PDE4D: variants seen among roughly 807,000 people sequenced by gnomAD.
PDE4D encodes the protein 3',5'-cyclic-AMP phosphodiesterase 4D.
Under a neutral mutation model 87.4 loss-of-function variants are expected in PDE4D, and 24 were observed. The observed-to-expected ratio is 0.27, with a 90% CI of 0.20 to 0.39. PDE4D has a LOEUF of 0.39. PDE4D is among the 10% of genes least tolerant of loss of function. The pLI is 1.00. For synonymous variants in PDE4D, 384 were observed against 383.2 expected, an observed-to-expected ratio of 1.00 and a Z score of -0.02; for missense variants, 714 against 1,041.0, an observed-to-expected ratio of 0.69 and a Z score of 4.32.
At chr5:60,130,128 C>A (rs1163053876) in intron 2 of PDE4D, among the ~76,000 whole-genome samples, 1 of 152,184 alleles carries the variant, frequency 6.6e-6, no homozygotes, top group Non-Finnish European at 1.5e-5. Flanking sequence ...TTTGCTGGTG[C>A]TTTGACCTTG....
chr5:60,372,133 A>ATTGTCCG (rs1761083345), intron 1 of PDE4D, among the ~76,000 whole-genome samples: 1 of 138,844 alleles, frequency 7.2e-6, no homozygotes, highest in Admixed American at 7.2e-5. Context: ...AACACACAGC[A>ATTGTCCG]TTGTCAGTCT....
intron 1 of PDE4D, among the ~76,000 whole-genome samples, chr5:60,344,123 A>G (rs932203693): frequency 6.6e-6 from 1 of 152,028 alleles, no homozygotes; most frequent in Non-Finnish European, 1.5e-5. Flanking sequence ...GCCTCTTCTT[A>G]ATGAGACAAC....
intron 1 of PDE4D, among the ~76,000 whole-genome samples, chr5:60,272,526 A>G (rs889477838): frequency 8.5e-5 from 13 of 152,206 alleles, no homozygotes; most frequent in East Asian, 1.9e-4. Flanking sequence ...TTATCACTCA[A>G]CAGAGAAGAC....
rs190437177 is a variant in PDE4D, at chr5:60,326,401, A to C, written c.-89-140714T>G. Among the ~76,000 whole-genome samples the C allele has an allele frequency of 5.3e-5, 8 of 152,278 alleles. No homozygotes were observed. In the East Asian group the frequency reaches 1.5e-3, roughly 29 times the overall value. On this transcript the variant is annotated intron_variant, in intron 1 of 16. Transcript: ENST00000502484. ...GACTCTCCTTTAAAGGTAAAAGATA[A>C]GTATAAGGACTTGCCTAAAATCAGG...
intron 1 of PDE4D, among the ~76,000 whole-genome samples, chr5:59,711,304 G>A (rs957695883): frequency 2.0e-5 from 3 of 151,850 alleles, no homozygotes; most frequent in South Asian, 2.1e-4. Context: ...ATTGCCCTTA[G>A]TATAATCCCT....
intron 1 of PDE4D, among the ~76,000 whole-genome samples, chr5:59,304,720 C>T (rs1192622159): frequency 3.3e-5 from 5 of 152,106 alleles, no homozygotes; most frequent in African/African-American, 1.2e-4. Flanking sequence ...GTACATTAAA[C>T]CATCTCTGCA....
At chr5:59,931,047 C>G (rs1290192788) in intron 3 of PDE4D, among the ~76,000 whole-genome samples, 1 of 151,954 alleles carries the variant, frequency 6.6e-6, no homozygotes, top group African/African-American at 2.4e-5. Context: ...AAAACAAATA[C>G]TGCATTGAAA....
intron 1 of PDE4D, among the ~76,000 whole-genome samples, chr5:59,673,884 T>A (rs1747632577): frequency 6.6e-6 from 1 of 152,196 alleles, no homozygotes; most frequent in South Asian, 2.1e-4. Context: ...AACTTACCAT[T>A]GGTTTAGTCA....
At position 59,392,503 on chromosome 5, in the gene PDE4D, C is replaced by CTATATATATATATATATATATATA. The variant is rs3061702; in HGVS notation, c.456-176536_456-176535insTATATATATATATATATATATATA. Among the ~76,000 whole-genome samples the CTATATATATATATATATATATATA allele has an allele frequency of 3.9e-3, 542 of 139,148 alleles. 5 individuals carry two copies. Among genetic ancestry groups the CTATATATATATATATATATATATA allele is most frequent in the African/African-American group, 0.011 (406 of 36,914 alleles). The allele number at this position is 139,148 out of a possible 152,430, so 91.3% of individuals were successfully genotyped here. A position where few individuals can be genotyped will look rare whatever the true frequency, so the allele number is the denominator to read the frequency against. On this transcript the variant is annotated intron_variant, in intron 1 of 14. Transcript: ENST00000340635. ...ACCCTTTATATATATGTGTGTGTGT[C>CTATATATATATATATATATATATA]TATATATATATATATATATATTCCA...
intron 2 of PDE4D, among the ~76,000 whole-genome samples, chr5:60,092,819 G>A (rs1267323508): frequency 6.6e-6 from 1 of 152,196 alleles, no homozygotes; most frequent in Non-Finnish European, 1.5e-5. Flanking sequence ...AAATTACAAT[G>A]CTCTGGAGCA....
chr5:60,340,216 A>G (rs935703641), intron 1 of PDE4D, among the ~76,000 whole-genome samples: 62 of 147,998 alleles, frequency 4.2e-4, no homozygotes, highest in African/African-American at 1.4e-3. Context: ...CATAAGCTAC[A>G]GAAAAGCAAA....
intron 1 of PDE4D, among the ~76,000 whole-genome samples, chr5:59,605,011 G>C (rs1828003437): frequency 6.6e-6 from 1 of 151,912 alleles, no homozygotes; most frequent in Non-Finnish European, 1.5e-5. Flanking sequence ...AACAACAAAA[G>C]TCTGTTTCTT....
At chr5:59,000,540 T>C (rs993882265) in intron 6 of PDE4D, among the ~76,000 whole-genome samples, 2 of 152,186 alleles carry the variant, frequency 1.3e-5, no homozygotes, top group African/African-American at 4.8e-5. Flanking sequence ...TTGTTATGTA[T>C]GACAGAGTTC....
chr5:59,715,476 T>C (rs1175410476), intron 1 of PDE4D, among the ~76,000 whole-genome samples: 1 of 152,212 alleles, frequency 6.6e-6, no homozygotes, highest in Non-Finnish European at 1.5e-5. Context: ...TCCAGCCTAG[T>C]ACTGACTCCA....
At chr5:59,273,855 A>G (rs994002248) in intron 1 of PDE4D, among the ~76,000 whole-genome samples, 2 of 152,168 alleles carry the variant, frequency 1.3e-5, no homozygotes, top group African/African-American at 4.8e-5. Flanking sequence ...AGAGAGGTAA[A>G]GGGTGTCAAT....
chr5:59,218,744 A>G (rs927600626), intron 1 of PDE4D, among the ~76,000 whole-genome samples: 1 of 152,278 alleles, frequency 6.6e-6, no homozygotes, highest in Admixed American at 6.5e-5. Flanking sequence ...AACAAAGTTC[A>G]CAATGTATAC....
At chr5:60,451,085 T>C (rs1006339964) in intron 1 of PDE4D, among the ~76,000 whole-genome samples, 5 of 152,112 alleles carry the variant, frequency 3.3e-5, no homozygotes, top group African/African-American at 1.2e-4. Flanking sequence ...AGCAGACTCT[T>C]GAACTGACAC....
intron 5 of PDE4D, among the ~76,000 whole-genome samples, chr5:59,119,769 C>T (rs1375067598): frequency 6.6e-6 from 1 of 152,158 alleles, no homozygotes. Context: ...CACTACCTTT[C>T]CCACTGTTCA....
intron 1 of PDE4D, among the ~76,000 whole-genome samples, chr5:59,858,374 C>T (rs982027460): frequency 2.6e-5 from 4 of 152,026 alleles, no homozygotes; most frequent in Non-Finnish European, 5.9e-5. Flanking sequence ...ATCCCTACTC[C>T]TTGCATCTAT....
Sources: gnomAD v4.1 joint callset for allele counts (sites outside exome capture counted in the v4.1 genomes callset) on GRCh38, gnomAD v4.1.1 for gene constraint, MANE v1.5 for transcripts, NCBI Gene and HGNC (gene_info 2026-07-23, HGNC 2026-07-21) for gene names.